The following VGLL4 variants were observed in gnomAD, a reference collection of about 807,000 sequenced individuals.
The protein encoded by VGLL4 is vestigial like family member 4, also known as transcription cofactor vestigial-like protein 4.
VGLL4 carries 7 observed loss-of-function variants against 21.0 expected under a neutral mutation model. The ratio of observed to expected loss-of-function variants is 0.33; its 90% CI spans 0.19 to 0.63. The LOEUF (loss-of-function observed/expected upper bound fraction) is 0.63, where lower values mean the gene tolerates loss of function less well. Ranked by LOEUF, VGLL4 falls within the 20% of genes least tolerant of loss-of-function variation. VGLL4 has a pLI of 0.78. For synonymous variants in VGLL4, 222 were observed against 173.2 expected (o/e 1.28, Z -2.21); for missense variants, 394 against 425.7 (o/e 0.93, Z 0.66).
chr3:11,698,382 G>T (rs141287501), intron 2 of VGLL4, among the ~76,000 whole-genome samples: 1,980 of 151,570 alleles, frequency 0.013, 44 homozygotes, highest in African/African-American at 0.043. Flanking sequence ...GGTGACACAC[G>T]CCTGTAGTCC....
intron 2 of VGLL4, among the ~76,000 whole-genome samples, chr3:11,672,437 T>C (rs1315574286): frequency 6.6e-6 from 1 of 152,216 alleles, no homozygotes; most frequent in East Asian, 1.9e-4. Context: ...TTTAAAAATA[T>C]CTTAATTCTC....
Position 11,559,467 on chromosome 3 carries a change from A to T in VGLL4, c.496-12T>A. The stretch of plus-strand genomic sequence containing the variant: ...ACGGAGGGCCGGTTCTGCGGGGAGG[A>T]GGGGTGTCAGTATGTGGAGACCAGC... On this transcript the variant is annotated splice_polypyrimidine_tract_variant and intron_variant, in intron 3 of 4. Coordinates refer to ENST00000430365, the MANE Select transcript of VGLL4 (RefSeq NM_001128219.3). The T allele has an allele frequency of 6.5e-7, 1 of 1,548,496 alleles. No individual in the cohort carries two copies. The highest frequency in any genetic ancestry group is 8.7e-7 in the Non-Finnish European group (1 of 1,146,902).
intron 1 of VGLL4, among the ~76,000 whole-genome samples, chr3:11,634,761 G>A (rs1017981131): frequency 2.0e-5 from 3 of 151,618 alleles, no homozygotes; most frequent in African/African-American, 7.3e-5. Flanking sequence ...CACTGCAACC[G>A]CCGCCTCCCA....
At chr3:11,578,748 C>CTTTTT (rs71044228) in intron 2 of VGLL4, among the ~76,000 whole-genome samples, 3,295 of 104,664 alleles carry the variant, frequency 0.031, 323 homozygotes, top group Non-Finnish European at 0.046. Context: ...TGTATATTTT[C>CTTTTT]TTTTTTTTTT....
chr3:11,589,077 C>A (rs1482795638), intron 2 of VGLL4, among the ~76,000 whole-genome samples: 1 of 152,102 alleles, frequency 6.6e-6, no homozygotes, highest in Non-Finnish European at 1.5e-5. Context: ...CAGAAAAGGG[C>A]CACAGGAAGC....
At chr3:11,667,734 C>T (rs1338971338) in intron 2 of VGLL4, among the ~76,000 whole-genome samples, 3 of 151,256 alleles carry the variant, frequency 2.0e-5, no homozygotes, top group Admixed American at 6.6e-5. Context: ...CCCCCAGTAT[C>T]ATTATCCCTT....
At chr3:11,570,143 A>G (rs1164913702) in intron 2 of VGLL4, among the ~76,000 whole-genome samples, 6 of 152,146 alleles carry the variant, frequency 3.9e-5, no homozygotes, top group African/African-American at 1.4e-4. Context: ...AGAGATGACC[A>G]AGGTGGAGAA....
At chr3:11,582,254 G>C (rs2074247180) in intron 2 of VGLL4, 1 of 1,602,758 alleles carries the variant, frequency 6.2e-7, no homozygotes, top group Non-Finnish European at 8.5e-7. Context: ...GCAAGGATAA[G>C]GGAATAAAAT....
At chr3:11,713,934 T>C (rs1208121087) in intron 1 of VGLL4, among the ~76,000 whole-genome samples, 1 of 152,118 alleles carries the variant, frequency 6.6e-6, no homozygotes, top group Non-Finnish European at 1.5e-5. Flanking sequence ...GGCTCAGGGC[T>C]TGAGTCTATA....
At position 11,643,642 on chromosome 3, in the gene VGLL4, G is replaced by A. The variant is rs1308628026; in HGVS notation, c.-124C>T. The A allele has an allele frequency of 4.7e-6, 7 of 1,501,352 alleles. No individual in the cohort carries two copies. The East Asian group carries it at 9.4e-5, about 20-fold the overall frequency. The allele number at this position is 1,501,352 out of a possible 1,614,324, so 93.0% of individuals were successfully genotyped here. On this transcript the variant is annotated 5_prime_UTR_variant, in exon 1 of 5. Coordinates refer to ENST00000430365, the MANE Select transcript of VGLL4 (RefSeq NM_001128219.3). ...TCACAAAGGCAGAGGCCCAGCCTCA[G>A]ACTATCAAAACAAAGTATGCAAAAG...
intron 1 of VGLL4, among the ~76,000 whole-genome samples, chr3:11,705,245 G>A (rs1368365928): frequency 1.3e-5 from 2 of 152,246 alleles, no homozygotes; most frequent in Non-Finnish European, 1.5e-5. Flanking sequence ...TCGGGAAGCT[G>A]AGCGCAGGGC....
At chr3:11,605,561 A>T in intron 1 of VGLL4, among the ~76,000 whole-genome samples, 1 of 151,916 alleles carries the variant, frequency 6.6e-6, no homozygotes, top group Non-Finnish European at 1.5e-5. Context: ...TACATCCTGC[A>T]AAACCACTTA....
At position 11,558,471 on chromosome 3, in the gene VGLL4, C is replaced by CCAG; in HGVS notation, c.*84_*85insCTG. ...CCTTCCCTTCCCCCCACCCCACCCCCATGATTTTTTTTTTTTTAAGTACTG... is the reference window on the plus strand; with the variant it reads ...CCTTCCCTTCCCCCCACCCCACCCCCCAGATGATTTTTTTTTTTTTAAGTACTG... On this transcript the variant is annotated 3_prime_UTR_variant, in exon 5 of 5. Transcript: ENST00000430365. 11 of 1,369,928 alleles carry CCAG rather than the reference C, an allele frequency of 8.0e-6. No individual in the cohort carries two copies. Among genetic ancestry groups the CCAG allele is most frequent in the African/African-American group, 1.5e-5 (1 of 68,222 alleles). 84.9% of individuals were successfully genotyped at this position (1,369,928 alleles called of 1,614,324 possible).
At chr3:11,717,492 T>TC (rs2076936056) in intron 1 of VGLL4, among the ~76,000 whole-genome samples, 1 of 134,344 alleles carries the variant, frequency 7.4e-6, no homozygotes, top group African/African-American at 3.0e-5. Flanking sequence ...CACTACAGAT[T>TC]TTTTTTTTTT....
At chr3:11,601,767 G>T in intron 2 of VGLL4, 66 bp downstream of exon 2, 1 of 1,549,030 alleles carries the variant, frequency 6.5e-7, no homozygotes, top group Non-Finnish European at 8.8e-7. Context: ...TTAGCACAAA[G>T]TTGCAAAACA....
chr3:11,668,819 C>G (rs776603077), intron 2 of VGLL4, among the ~76,000 whole-genome samples: 49 of 152,204 alleles, frequency 3.2e-4, no homozygotes, highest in African/African-American at 1.1e-3. Flanking sequence ...CAGAGGGAAA[C>G]TGACCTCAGA....
chr3:11,676,658 A>T (rs1051506575), intron 2 of VGLL4, among the ~76,000 whole-genome samples: 4 of 151,958 alleles, frequency 2.6e-5, no homozygotes, highest in African/African-American at 9.7e-5. Flanking sequence ...TTGGATATAA[A>T]TATAAAAGGT....
At chr3:11,640,455 G>A (rs2075667659) in intron 1 of VGLL4, among the ~76,000 whole-genome samples, 1 of 152,150 alleles carries the variant, frequency 6.6e-6, no homozygotes, top group Admixed American at 6.5e-5. Context: ...GTTAATTGCT[G>A]AGTACGGTAG....
intron 1 of VGLL4, among the ~76,000 whole-genome samples, chr3:11,637,353 A>C (rs1315422023): frequency 2.0e-5 from 3 of 148,310 alleles, no homozygotes; most frequent in Non-Finnish European, 3.0e-5. Context: ...CATTCCATAA[A>C]TGTTTAATAA....
Sources: gnomAD v4.1 joint callset for allele counts (sites outside exome capture counted in the v4.1 genomes callset) on GRCh38, gnomAD v4.1.1 for gene constraint, MANE v1.5 for transcripts, NCBI Gene and HGNC (gene_info 2026-07-23, HGNC 2026-07-21) for gene names.